METTL15: variants seen among roughly 807,000 people sequenced by gnomAD.
The protein encoded by METTL15 is methyltransferase 15, mitochondrial 12S rRNA N4-cytidine.
A neutral mutation model predicts 38.3 loss-of-function variants in METTL15; 34 were observed. The observed-to-expected ratio is 0.89, with a 90% CI of 0.68 to 1.18. The LOEUF is 1.18. Among genes scored for constraint, METTL15 ranks in the 50% most tolerant of loss-of-function variants. The pLI, the probability that METTL15 is intolerant of heterozygous loss-of-function variation, is 0.00. For missense variants in METTL15, 438 were observed against 498.4 expected (o/e 0.88, Z 1.15); for synonymous variants, 162 against 170.9 (o/e 0.95, Z 0.41).
At chr11:28,418,409 G>A (rs1020044788) in intron 5 of METTL15, among the ~76,000 whole-genome samples, 1 of 152,130 alleles carries the variant, frequency 6.6e-6, no homozygotes, top group East Asian at 1.9e-4. Flanking sequence ...TCATGTAGGT[G>A]AAGTGCTTCT....
intron 4 of METTL15, among the ~76,000 whole-genome samples, chr11:28,256,105 T>A (rs1237839005): frequency 6.6e-6 from 1 of 152,204 alleles, no homozygotes; most frequent in East Asian, 1.9e-4. Flanking sequence ...AGTTTGCTAG[T>A]GTTTTATTGA....
intron 4 of METTL15, among the ~76,000 whole-genome samples, chr11:28,270,280 G>A (rs1328040133): frequency 6.6e-6 from 1 of 151,954 alleles, no homozygotes. Flanking sequence ...TAGTTATCAT[G>A]GACAACATGT....
intron 6 of METTL15, among the ~76,000 whole-genome samples, chr11:28,484,043 T>G (rs1186180647): frequency 5.3e-5 from 8 of 152,140 alleles, no homozygotes; most frequent in South Asian, 4.1e-4. Flanking sequence ...TTCCTCCATA[T>G]TAGGAGCTAG....
chr11:28,183,281 C>A (rs1334803971), intron 3 of METTL15, among the ~76,000 whole-genome samples: 1 of 152,104 alleles, frequency 6.6e-6, no homozygotes, highest in Non-Finnish European at 1.5e-5. Context: ...CTGGCCAGAA[C>A]TTCCAATACT....
intron 3 of METTL15, among the ~76,000 whole-genome samples, chr11:28,177,214 A>G (rs1851109776): frequency 6.6e-6 from 1 of 152,018 alleles, no homozygotes; most frequent in African/African-American, 2.4e-5. Flanking sequence ...AAAATAGTAA[A>G]ATGCAATATA....
chr11:28,500,563 C>T lies in METTL15; in HGVS notation c.*425-25915C>T, dbSNP rs1012512732. Among the ~76,000 whole-genome samples, 6 of 150,832 alleles carry T rather than the reference C, an allele frequency of 4.0e-5. No homozygotes were observed. The East Asian group carries it at 5.8e-4, about 15-fold the overall frequency. ...TTTTTTTTTTTTTGAGACAGAATCT[C>T]GCTCTGCCACCCAGGCTGGAGTGCA... On this transcript the variant is annotated intron_variant and NMD_transcript_variant, in intron 6 of 7. Transcript: ENST00000532947.
intron 6 of METTL15, among the ~76,000 whole-genome samples, chr11:28,309,037 G>T (rs1857181918): frequency 6.6e-6 from 1 of 152,118 alleles, no homozygotes; most frequent in Admixed American, 6.5e-5. Flanking sequence ...GATGGCTCTG[G>T]CTCAGACTTA....
chr11:28,242,938 G>A (rs996301684), intron 4 of METTL15, among the ~76,000 whole-genome samples: 2 of 152,048 alleles, frequency 1.3e-5, no homozygotes, highest in East Asian at 3.9e-4. Context: ...ATAAGTGTCC[G>A]TCATTGAGCG....
rs572590569 is a variant in METTL15 at position 28,108,705 on chromosome 11, C to A, written c.-254+253C>A. Among the ~76,000 whole-genome samples, 8 of 152,280 alleles carry A rather than the reference C, an allele frequency of 5.3e-5. No individual in the cohort carries two copies. In the South Asian group the frequency reaches 1.5e-3, roughly 28 times the overall value. On this transcript the variant is annotated intron_variant, in intron 1 of 6. Coordinates refer to ENST00000407364, the MANE Select transcript of METTL15 (RefSeq NM_001113528.2). The stretch of plus-strand genomic sequence containing the variant: ...GGCTTCATTTCTCAGGACTTCCAGG[C>A]CTACTCCCATTAGTACTGACCGTGA...
At chr11:28,189,545 C>G (rs1851625062) in intron 3 of METTL15, among the ~76,000 whole-genome samples, 1 of 151,052 alleles carries the variant, frequency 6.6e-6, no homozygotes, top group African/African-American at 2.4e-5. Context: ...CAAATGTGAA[C>G]AAATCTGAAT....
intron 6 of METTL15, among the ~76,000 whole-genome samples, chr11:28,471,757 A>G (rs567239591): frequency 5.4e-5 from 8 of 149,112 alleles, no homozygotes; most frequent in Admixed American, 4.7e-4. Context: ...TTGTTTTTAG[A>G]AAAAAAAAAG....
At chr11:28,192,847 G>A (rs1244933863) in intron 3 of METTL15, among the ~76,000 whole-genome samples, 1 of 152,092 alleles carries the variant, frequency 6.6e-6, no homozygotes, top group African/African-American at 2.4e-5. Flanking sequence ...AGAAATCCCA[G>A]ATTAGCTGTT....
intron 4 of METTL15, among the ~76,000 whole-genome samples, chr11:28,228,412 C>T (rs1853565199): frequency 6.6e-6 from 1 of 151,874 alleles, no homozygotes; most frequent in Non-Finnish European, 1.5e-5. Flanking sequence ...ACATTACATA[C>T]TTCCTAGAAA....
chr11:28,531,454 C>T (rs1005356766), downstream of METTL15, among the ~76,000 whole-genome samples: 1 of 151,962 alleles, frequency 6.6e-6, no homozygotes, highest in African/African-American at 2.4e-5. Flanking sequence ...ATGTGAAAAT[C>T]AGAAGTTTAG....
intron 3 of METTL15, among the ~76,000 whole-genome samples, chr11:28,176,629 G>T (rs148318129): frequency 9.2e-5 from 14 of 152,062 alleles, no homozygotes; most frequent in Non-Finnish European, 1.8e-4. Context: ...TTTATTGATT[G>T]TATAGTATTG....
intron 6 of METTL15, among the ~76,000 whole-genome samples, chr11:28,492,945 A>G (rs1424857828): frequency 6.6e-6 from 1 of 152,172 alleles, no homozygotes; most frequent in Non-Finnish European, 1.5e-5. Flanking sequence ...AACCAGGACT[A>G]GAACTCAATT....
At chr11:28,381,542 C>G (rs989066566) in intron 5 of METTL15, among the ~76,000 whole-genome samples, 2 of 151,974 alleles carry the variant, frequency 1.3e-5, no homozygotes, top group Admixed American at 1.3e-4. Context: ...AATCTTTCTT[C>G]TTTTTCATTC....
At chr11:28,287,552 G>C in intron 4 of METTL15, 1 of 299,784 alleles carries the variant, frequency 3.3e-6, no homozygotes, top group Non-Finnish European at 6.4e-6. Context: ...GGCCTAATAA[G>C]AACCTCATTT....
chr11:28,529,825 A>T (rs1334248463), downstream of METTL15, among the ~76,000 whole-genome samples: 1 of 152,058 alleles, frequency 6.6e-6, no homozygotes, highest in Non-Finnish European at 1.5e-5. Flanking sequence ...GTGTATATTG[A>T]CTGAACATGG....
Sources: gnomAD v4.1 joint callset for allele counts (sites outside exome capture counted in the v4.1 genomes callset) on GRCh38, gnomAD v4.1.1 for gene constraint, MANE v1.5 for transcripts, NCBI Gene and HGNC (gene_info 2026-07-23, HGNC 2026-07-21) for gene names.